The following TFRC variants were observed in gnomAD, a reference collection of about 807,000 sequenced individuals.
TFRC encodes the protein transferrin receptor protein 1.
TFRC carries 35 observed loss-of-function variants against 85.8 expected under a neutral mutation model. That is an observed-to-expected ratio of 0.41 (90% CI 0.31 to 0.54). The LOEUF is 0.54. Ranked by LOEUF, TFRC falls within the 20% of genes least tolerant of loss-of-function variation. The pLI, the probability that TFRC is intolerant of heterozygous loss-of-function variation, is 0.31. For synonymous variants in TFRC, 362 were observed against 328.6 expected (o/e 1.10, Z -1.10); for missense variants, 828 against 921.5 (o/e 0.90, Z 1.31).
Position 196,074,104 on chromosome 3 carries a change from C to G in TFRC, c.260G>C (p.Gly87Ala), listed in dbSNP as rs1560088441. The change falls in exon 4 of 19, where the codon GGC becomes GCC. Residue 87 changes from glycine to alanine, a missense_variant. Coordinates refer to ENST00000360110, the MANE Select transcript of TFRC (RefSeq NM_001128148.3). ...TTTTGGTTCTACCCCTTTACAATAG[C>G]CCAAGTAGCCAATCATAAATCCTAA... ...FLIGFMIGYLGYCKGVEPKTE... is the reference protein window; with the variant it reads ...FLIGFMIGYLAYCKGVEPKTE... The G allele has an allele frequency of 6.2e-7, 1 of 1,612,546 alleles. No homozygotes were observed. The highest frequency in any genetic ancestry group is 8.5e-7 in the Non-Finnish European group (1 of 1,179,396).
In TFRC at chr3:196,074,102, A is replaced by G; in HGVS notation, c.262T>C (p.Tyr88His). Residue 88 changes from tyrosine (Y) to histidine (H), a missense_variant, in exon 4 of 19, where the codon TAT becomes CAT. Transcript: ENST00000360110. ...LIGFMIGYLGYCKGVEPKTEC... is the reference protein window; with the variant it reads ...LIGFMIGYLGHCKGVEPKTEC... ...GTTTTTGGTTCTACCCCTTTACAAT[A>G]GCCCAAGTAGCCAATCATAAATCCT... 1 of 1,612,564 alleles carries G rather than the reference A, an allele frequency of 6.2e-7. No individual in the cohort carries two copies. The highest frequency in any genetic ancestry group is 8.5e-7 in the Non-Finnish European group (1 of 1,179,372).
At chr3:196,068,160 T>C (rs1272798389) in intron 7 of TFRC, 30 bp from the exon 8 acceptor site, 1 of 1,542,020 alleles carries the variant, frequency 6.5e-7, no homozygotes, top group Non-Finnish European at 8.9e-7. Context: ...GCTCAGAAAA[T>C]GAAGATCTGA....
Position 196,072,150 on chromosome 3 carries a change from A to G in TFRC, c.437T>C (p.Leu146Pro), listed in dbSNP as rs757811832. The change falls in exon 5 of 19, where the codon CTG (leucine) becomes CCG (proline). Residue 146 changes from leucine (L) to proline (P), a missense_variant and splice_region_variant. By Grantham distance (98) the Leu-to-Pro change is moderately conservative. Coordinates refer to ENST00000360110, the MANE Select transcript of TFRC (RefSeq NM_001128148.3). ...DSTDFTGTIK[L>P]LNENSYVPRE... ...AGGGACATATGAATTTTCATTCAGC[A>G]GCCTGGAGGAGAAAATGCCTTTTAA... 3 of 1,612,040 alleles carry G rather than the reference A, an allele frequency of 1.9e-6. No individual in the cohort carries two copies. Among genetic ancestry groups the G allele is most frequent in the Non-Finnish European group, 1.7e-6 (2 of 1,179,594 alleles).
At chr3:196,077,801 G>A (rs1718834702) in intron 1 of TFRC, among the ~76,000 whole-genome samples, 1 of 152,064 alleles carries the variant, frequency 6.6e-6, no homozygotes, top group African/African-American at 2.4e-5. Flanking sequence ...TAAGACTAAG[G>A]CAGACAAGAC....
In TFRC at chr3:196,049,348, T is replaced by C. The variant is rs576561991; in HGVS notation, c.*2594A>G. The C allele has an allele frequency of 1.0e-5, 2 of 193,392 alleles. No homozygotes were observed. The highest frequency in any genetic ancestry group is 4.6e-5 in the African/African-American group (2 of 43,216). 12.0% of individuals were successfully genotyped at this position (193,392 alleles called of 1,614,324 possible). A position where few individuals can be genotyped will look rare whatever the true frequency, so the allele number is the denominator to read the frequency against. ...CCACACTGTTGCACATAACAGCTTT[T>C]ATACAATGATAAGGACATATCATTT... is the stretch of plus-strand genomic sequence containing the variant. On this transcript the variant is annotated 3_prime_UTR_variant, in exon 19 of 19. Coordinates refer to ENST00000360110, the MANE Select transcript of TFRC (RefSeq NM_001128148.3).
chr3:196,073,797 C>T, intron 4 of TFRC, 133 bp downstream of exon 4: 1 of 959,590 alleles, frequency 1.0e-6, no homozygotes, highest in Non-Finnish European at 1.5e-6. Context: ...CCCTTCCCCT[C>T]TTTAGCTAAA....
rs111372408 is a variant in TFRC, at chr3:196,065,106, T to C, written c.1198+337A>G. ...GGAGAAACCCTGTCTCTACTAAAAA[T>C]ACAAAATTAGCCAGGCGTGGTGGCG... On this transcript the variant is annotated intron_variant, in intron 10 of 18. Coordinates refer to ENST00000360110, the MANE Select transcript of TFRC (RefSeq NM_001128148.3). Among the ~76,000 whole-genome samples, 329 of 151,742 alleles carry C rather than the reference T, an allele frequency of 2.2e-3. 2 individuals are homozygous for C. Among genetic ancestry groups the C allele is most frequent in the African/African-American group, 7.7e-3 (319 of 41,352 alleles).
intron 7 of TFRC, 81 bp from the exon 8 acceptor site, chr3:196,068,211 G>A: frequency 1.0e-6 from 1 of 959,092 alleles, no homozygotes; most frequent in South Asian, 1.6e-5. Context: ...TATGCTAAAG[G>A]CCAAATGGTT....
rs571809241 is a variant in TFRC at position 196,050,187 on chromosome 3, A to G, written c.*1755T>C. 8.8e-6 allele frequency: 2 copies of G among 227,354 alleles called. No homozygotes were observed. The highest frequency in any genetic ancestry group is 1.7e-5 in the Non-Finnish European group (2 of 114,430). 14.1% of individuals were successfully genotyped at this position (227,354 alleles called of 1,614,324 possible). On this transcript the variant is annotated 3_prime_UTR_variant, in exon 19 of 19. Transcript: ENST00000360110. Reference sequence around the variant, plus strand: ...GGAGGTAACATGCAAATAATGTGATAAAGTTAAAATGACTTGTCAATAGCA... The same window carrying G: ...GGAGGTAACATGCAAATAATGTGATGAAGTTAAAATGACTTGTCAATAGCA...
Position 196,049,561 on chromosome 3 carries a change from G to A in TFRC, c.*2381C>T. Reference sequence around the variant, plus strand: ...TGTCACTAGTCTGATATTTCATTCAGGAATATTGAGCCTGTTAGCACGTAC... The same window carrying A: ...TGTCACTAGTCTGATATTTCATTCAAGAATATTGAGCCTGTTAGCACGTAC... On this transcript the variant is annotated 3_prime_UTR_variant, in exon 19 of 19. Coordinates refer to ENST00000360110, the MANE Select transcript of TFRC (RefSeq NM_001128148.3). 2 of 221,534 alleles carry A rather than the reference G, an allele frequency of 9.0e-6. No individual in the cohort carries two copies. The highest frequency in any genetic ancestry group is 1.8e-5 in the Non-Finnish European group (2 of 110,856). 13.7% of individuals were successfully genotyped at this position (221,534 alleles called of 1,614,324 possible).
intron 1 of TFRC, among the ~76,000 whole-genome samples, chr3:196,077,562 G>C (rs1453001521): frequency 9.2e-5 from 14 of 151,978 alleles, no homozygotes; most frequent in African/African-American, 3.4e-4. Flanking sequence ...GACCAGCCTG[G>C]CCAACATGGA....
At chr3:196,071,618 T>G in intron 5 of TFRC, 120 bp from the exon 6 acceptor site, 2 of 1,036,146 alleles carry the variant, frequency 1.9e-6, no homozygotes, top group Non-Finnish European at 2.9e-6. Context: ...ATCTTAAGCT[T>G]GATTTTTATT....
At chr3:196,064,102 G>A (rs192181696) in intron 11 of TFRC, among the ~76,000 whole-genome samples, 1 of 152,302 alleles carries the variant, frequency 6.6e-6, no homozygotes, top group Non-Finnish European at 1.5e-5. Context: ...AAAGAAACTG[G>A]TGATTTCTAG....
chr3:196,077,469 C>G (rs1384752531), intron 1 of TFRC, among the ~76,000 whole-genome samples: 1 of 150,466 alleles, frequency 6.6e-6, no homozygotes, highest in Admixed American at 6.6e-5. Flanking sequence ...GTGACACATA[C>G]TGCTGGGCGG....
At position 196,074,878 on chromosome 3, in the gene TFRC, CA is replaced by C. The variant is rs34596231; in HGVS notation, c.238+280del. ...TGAGCCACAGAGTGAGACTCCAACTCAAAAAAAAAAAAAAAAAAATTAGCCA... is the reference window on the plus strand; with the variant it reads ...TGAGCCACAGAGTGAGACTCCAACTCAAAAAAAAAAAAAAAAAATTAGCCA... On this transcript the variant is annotated intron_variant, in intron 3 of 18. Transcript: ENST00000360110. Among the ~76,000 whole-genome samples the C allele has an allele frequency of 0.077, 7,556 of 98,634 alleles. 214 individuals are homozygous for C. Among genetic ancestry groups the C allele is most frequent in the South Asian group, 0.17 (491 of 2,968 alleles). 64.7% of individuals were successfully genotyped at this position (98,634 alleles called of 152,430 possible).
chr3:196,063,078 G>GAA, intron 11 of TFRC, 139 bp from the exon 12 acceptor site: 27 of 470,476 alleles, frequency 5.7e-5, no homozygotes, highest in East Asian at 1.2e-4. Flanking sequence ...AGCCAAAAAA[G>GAA]AAAAAAAAAA....
intron 16 of TFRC, chr3:196,058,076 T>C (rs1716962160): frequency 2.2e-5 from 9 of 408,684 alleles, no homozygotes; most frequent in South Asian, 1.7e-4. Context: ...ATCCTTGTTA[T>C]TGATCTTGGT....
intron 6 of TFRC, among the ~76,000 whole-genome samples, chr3:196,070,805 AAT>A (rs1718131758): frequency 6.8e-6 from 1 of 148,060 alleles, no homozygotes; most frequent in Non-Finnish European, 1.5e-5. Flanking sequence ...TAATAATAAT[AAT>A]AAAATAAAAA....
intron 9 of TFRC, among the ~76,000 whole-genome samples, chr3:196,066,913 AAAT>A (rs1199546217): frequency 6.6e-6 from 1 of 152,216 alleles, no homozygotes; most frequent in Non-Finnish European, 1.5e-5. Flanking sequence ...TAATAACAGG[AAAT>A]GATAAATATG....
Sources: gnomAD v4.1 joint callset for allele counts (sites outside exome capture counted in the v4.1 genomes callset) on GRCh38, gnomAD v4.1.1 for gene constraint, MANE v1.5 for transcripts, NCBI Gene and HGNC (gene_info 2026-07-23, HGNC 2026-07-21) for gene names.